EPS15L1: variants seen among roughly 807,000 people sequenced by gnomAD.
EPS15L1 encodes the protein epidermal growth factor receptor substrate 15-like 1.
In EPS15L1, 43 loss-of-function variants were observed where a neutral mutation model predicts 117.1. That is an observed-to-expected ratio of 0.37 (90% confidence interval 0.29 to 0.47). EPS15L1 has a LOEUF of 0.47. Among genes scored for constraint, EPS15L1 ranks in the 20% least tolerant of loss-of-function variants. The pLI is 0.99. For missense variants in EPS15L1, 981 were observed against 1,164.0 expected (o/e 0.84, Z 2.29); for synonymous variants, 459 against 470.5 (o/e 0.98, Z 0.32).
At chr19:16,386,021 C>A (rs1289057773) in intron 20 of EPS15L1, 150 bp downstream of exon 20, 1 of 640,768 alleles carries the variant, frequency 1.6e-6, no homozygotes, top group Non-Finnish European at 2.8e-6. Flanking sequence ...TTGTTTTGGC[C>A]TAATGGGCTC....
At chr19:16,378,807 C>T (rs1043354557) in intron 21 of EPS15L1, among the ~76,000 whole-genome samples, 3 of 152,146 alleles carry the variant, frequency 2.0e-5, no homozygotes, top group Non-Finnish European at 4.4e-5. Flanking sequence ...AAATCACTTT[C>T]TATGGGCAGA....
chr19:16,402,558 A>T (rs2092613600), intron 15 of EPS15L1, 73 bp from the exon 16 acceptor site: 75 of 1,310,324 alleles, frequency 5.7e-5, no homozygotes, highest in Non-Finnish European at 6.5e-5. Flanking sequence ...TTTTTTTTTT[A>T]AAACACAGGG....
At chr19:16,403,286 G>A (rs1295635191) in intron 15 of EPS15L1, among the ~76,000 whole-genome samples, 1 of 152,198 alleles carries the variant, frequency 6.6e-6, no homozygotes, top group Non-Finnish European at 1.5e-5. Context: ...AGAGAATGGG[G>A]GTCCTGCATG....
chr19:16,397,531 C>A (rs937236324), intron 16 of EPS15L1, among the ~76,000 whole-genome samples: 10 of 151,964 alleles, frequency 6.6e-5, no homozygotes, highest in African/African-American at 2.4e-4. Context: ...AGAGGTGTGA[C>A]CTTCCTCAAT....
intron 1 of EPS15L1, among the ~76,000 whole-genome samples, chr19:16,445,881 G>A (rs540714236): frequency 1.4e-4 from 22 of 152,228 alleles, no homozygotes; most frequent in African/African-American, 5.1e-4. Flanking sequence ...GAGCTGACCC[G>A]ATGTGTTCTC....
intron 22 of EPS15L1, among the ~76,000 whole-genome samples, chr19:16,372,434 C>T (rs1479209913): frequency 2.0e-5 from 3 of 152,252 alleles, no homozygotes; most frequent in Admixed American, 1.3e-4. Context: ...CAAAGCCACA[C>T]GTGACTCAGA....
intron 22 of EPS15L1, 23 bp from the exon 23 acceptor site, chr19:16,362,007 A>AT: frequency 2.5e-6 from 4 of 1,568,764 alleles, no homozygotes; most frequent in Non-Finnish European, 3.4e-6. Context: ...GGAGAAAAAA[A>AT]AAAGGAGAAA....
At position 16,363,504 on chromosome 19, in the gene EPS15L1, C is replaced by T. The variant is rs114267688; in HGVS notation, c.2381-1520G>A. Among the ~76,000 whole-genome samples, 753 of 152,322 alleles carry T rather than the reference C, an allele frequency of 4.9e-3. 4 individuals carry two copies. The highest frequency in any genetic ancestry group is 0.017 in the African/African-American group (699 of 41,562). On this transcript the variant is annotated intron_variant, in intron 22 of 23. Transcript: ENST00000455140. ...GATCTAAAGCCTTTCCCTCTGTTCC[C>T]CCAGCAGATCAGCCATCCCAGGCCT...
chr19:16,418,185 C>A, intron 10 of EPS15L1, 81 bp from the exon 11 acceptor site: 70 of 1,448,364 alleles, frequency 4.8e-5, no homozygotes, highest in African/African-American at 5.7e-5. Flanking sequence ...CCTTGCTTTT[C>A]AAAAACGACA....
At chr19:16,355,971 G>C (rs1446822528) in intron 23 of EPS15L1, 120 bp from the exon 24 acceptor site, 1 of 1,211,344 alleles carries the variant, frequency 8.3e-7, no homozygotes, top group East Asian at 2.6e-5. Flanking sequence ...CGGAGGGTCC[G>C]ATGTGCAGGG....
chr19:16,461,122 G>A (rs190384880), intron 1 of EPS15L1, among the ~76,000 whole-genome samples: 62 of 151,560 alleles, frequency 4.1e-4, no homozygotes, highest in African/African-American at 1.1e-3. Flanking sequence ...TGGCTAACAC[G>A]GTGAAACCCC....
At chr19:16,418,431 G>A (rs1206781479) in intron 10 of EPS15L1, among the ~76,000 whole-genome samples, 1 of 152,230 alleles carries the variant, frequency 6.6e-6, no homozygotes, top group Non-Finnish European at 1.5e-5. Context: ...CGTGCGTGGG[G>A]CAGGCTCTGA....
Position 16,381,337 on chromosome 19 carries a change from G to A in EPS15L1, c.2247+3792C>T, listed in dbSNP as rs882306. On this transcript the variant is annotated intron_variant, in intron 21 of 23. Transcript: ENST00000455140. This position sits in a 1 kb window ranked among gnomAD's most constrained non-coding sequence, Gnocchi z 4.2. ...GGCTGCCACATCGTCTGCCTCCCAG[G>A]CTGGGGCCACCAGACGCTGCCCTCA... Among the ~76,000 whole-genome samples the A allele has an allele frequency of 0.9, 137,015 of 152,274 alleles. 62,146 individuals carry two copies. The highest frequency in any genetic ancestry group is 0.96 in the South Asian group (4,642 of 4,828).
intron 12 of EPS15L1, among the ~76,000 whole-genome samples, chr19:16,415,474 C>T (rs1170034457): frequency 6.6e-6 from 1 of 152,198 alleles, no homozygotes; most frequent in Non-Finnish European, 1.5e-5. Flanking sequence ...CTCTCAGGGA[C>T]ATGTCGCCAG....
intron 22 of EPS15L1, among the ~76,000 whole-genome samples, chr19:16,363,841 G>A (rs2092095022): frequency 6.6e-6 from 1 of 152,212 alleles, no homozygotes; most frequent in South Asian, 2.1e-4. Flanking sequence ...GCAGTTCTGG[G>A]CCAGCATAAG....
intron 16 of EPS15L1, among the ~76,000 whole-genome samples, chr19:16,397,450 T>C (rs1341191004): frequency 1.1e-4 from 17 of 151,820 alleles, no homozygotes; most frequent in Admixed American, 1.1e-3. Context: ...CAGAAAAAAA[T>C]AATAAACTTG....
At chr19:16,388,303 G>A (rs947349801) in intron 19 of EPS15L1, among the ~76,000 whole-genome samples, 10 of 152,124 alleles carry the variant, frequency 6.6e-5, no homozygotes, top group African/African-American at 4.8e-5. Context: ...GCCTCCCAAA[G>A]TCCTGGGATT....
At position 16,405,637 on chromosome 19, in the gene EPS15L1, T is replaced by C. The variant is rs1430273299; in HGVS notation, c.1267-888A>G. ...CACACTGTGGGACGCTCCTTGGCCA[T>C]GGAACGGGATGGCGCCGTGTGCTTT... is the stretch of plus-strand genomic sequence containing the variant. On this transcript the variant is annotated intron_variant, in intron 13 of 23. Transcript: ENST00000455140. This position sits in a 1 kb window ranked among gnomAD's most constrained non-coding sequence, Gnocchi z 4.0. Among the ~76,000 whole-genome samples the C allele has an allele frequency of 6.6e-6, 1 of 152,188 alleles. No homozygotes were observed. The highest frequency in any genetic ancestry group is 2.4e-5 in the African/African-American group (1 of 41,440).
chr19:16,446,590 T>C (rs563470476), intron 1 of EPS15L1, among the ~76,000 whole-genome samples: 1 of 152,278 alleles, frequency 6.6e-6, no homozygotes, highest in East Asian at 1.9e-4. Context: ...TTTGCCCTAC[T>C]CAGGACCACA....
Sources: allele counts gnomAD v4.1 joint callset (sites outside exome capture counted in the v4.1 genomes callset), GRCh38; gene constraint gnomAD v4.1.1; non-coding constraint Gnocchi (gnomAD v3.1); transcripts MANE v1.5; gene names NCBI Gene and HGNC (gene_info 2026-07-23, HGNC 2026-07-21).